Variants in MARCHF7 observed in about 807,000 individuals in gnomAD.
The protein encoded by MARCHF7 is E3 ubiquitin-protein ligase MARCHF7.
In MARCHF7, 20 loss-of-function variants were observed where a neutral mutation model predicts 76.5. The observed-to-expected ratio is 0.26, with a 90% CI of 0.18 to 0.38. The LOEUF is 0.38. MARCHF7 is among the 10% of genes least tolerant of loss of function. MARCHF7 has a pLI of 1.00. For synonymous variants in MARCHF7, 295 were observed against 293.0 expected, an observed-to-expected ratio of 1.01 and a Z score of -0.07; for missense variants, 797 against 812.9, an observed-to-expected ratio of 0.98 and a Z score of 0.24.
intron 4 of MARCHF7, chr2:159,732,978 A>G (rs1382053180): frequency 1.0e-6 from 1 of 958,530 alleles, no homozygotes; most frequent in Non-Finnish European, 1.2e-6. Flanking sequence ...AATACATGTG[A>G]AGCACTTGGA....
chr2:159,716,696 T>G (rs1701080731), intron 3 of MARCHF7, among the ~76,000 whole-genome samples: 1 of 152,186 alleles, frequency 6.6e-6, no homozygotes, highest in African/African-American at 2.4e-5. Context: ...CTCTGGCCTT[T>G]GTGCCATGAG....
At chr2:159,714,161 T>C (rs537423634) in intron 1 of MARCHF7, among the ~76,000 whole-genome samples, 1 of 152,350 alleles carries the variant, frequency 6.6e-6, no homozygotes, top group East Asian at 1.9e-4. Flanking sequence ...ACAACTCTTT[T>C]ATCTGCTCTA....
At chr2:159,748,951 G>T (rs765991226) in intron 7 of MARCHF7, 48 bp downstream of exon 7, 2 of 835,030 alleles carry the variant, frequency 2.4e-6, no homozygotes, top group East Asian at 2.9e-5. Flanking sequence ...AATAGAGAAA[G>T]AACTCTTCAT....
intron 2 of MARCHF7, among the ~76,000 whole-genome samples, chr2:159,715,037 C>T (rs1700877143): frequency 6.6e-6 from 1 of 152,184 alleles, no homozygotes; most frequent in South Asian, 2.1e-4. Context: ...TCTGTTACCA[C>T]AGATAATTAA....
At chr2:159,730,125 ACT>A (rs1315677048) in intron 4 of MARCHF7, among the ~76,000 whole-genome samples, 5 of 152,038 alleles carry the variant, frequency 3.3e-5, no homozygotes, top group African/African-American at 7.2e-5. Context: ...CTGGTCTCAA[ACT>A]CTGGCTCAAA....
At chr2:159,767,252 TC>T (rs1268294780) in intron 11 of MARCHF7, 31 bp from the exon 12 acceptor site, 1 of 1,545,354 alleles carries the variant, frequency 6.5e-7, no homozygotes, top group Non-Finnish European at 8.9e-7. Context: ...CCCCTTAAAA[TC>T]ATTCTTGATC....
At chr2:159,752,339 A>G (rs1705756612) in intron 7 of MARCHF7, 63 bp from the exon 8 acceptor site, 6 of 1,419,486 alleles carry the variant, frequency 4.2e-6, no homozygotes, top group Non-Finnish European at 5.6e-6. Flanking sequence ...GTGATTATGT[A>G]TGACTGAAGT....
chr2:159,732,664 C>A (rs1177453135), intron 4 of MARCHF7, among the ~76,000 whole-genome samples: 1 of 152,096 alleles, frequency 6.6e-6, no homozygotes, highest in Non-Finnish European at 1.5e-5. Context: ...AGATGCGCAG[C>A]CCCCTGCCAC....
chr2:159,713,411 GTAA>G (rs1700528027), intron 1 of MARCHF7, among the ~76,000 whole-genome samples: 1 of 152,152 alleles, frequency 6.6e-6, no homozygotes, highest in African/African-American at 2.4e-5. Context: ...GTCTATCTGG[GTAA>G]TAAATTCGTC....
In MARCHF7 at chr2:159,748,863, C is replaced by T; in HGVS notation, c.1573C>T (p.Pro525Ser). The change falls in exon 7 of 12, where the codon CCT becomes TCT. Residue 525 changes from proline to serine, a missense_variant. Pro to Ser is a moderately conservative substitution (Grantham distance 74). Transcript: ENST00000409175. ...TAAAAGTGATAAAACTAAAAGTGCG[C>T]CTTCAAGAGATCCAGAAAGATTGCA... ...DGKSDKTKSA[P>S]SRDPERLQKI... 6.2e-7 allele frequency: 1 copy of T among 1,612,228 alleles called. No homozygotes were observed. Among genetic ancestry groups the T allele is most frequent in the South Asian group, 1.1e-5 (1 of 90,800 alleles).
intron 4 of MARCHF7, among the ~76,000 whole-genome samples, chr2:159,731,827 G>A (rs535598945): frequency 8.2e-5 from 12 of 146,392 alleles, no homozygotes; most frequent in East Asian, 4.2e-4. Context: ...AATTTCAGCC[G>A]GGCACAGTGG....
intron 7 of MARCHF7, 98 bp downstream of exon 7, chr2:159,749,001 C>T (rs1187780424): frequency 7.7e-6 from 9 of 1,169,476 alleles, no homozygotes; most frequent in African/African-American, 2.2e-5. Context: ...TTTTTTGAGA[C>T]GGAGTCTCAG....
At chr2:159,726,064 C>T (rs958424775) in intron 3 of MARCHF7, among the ~76,000 whole-genome samples, 69 of 152,004 alleles carry the variant, frequency 4.5e-4, no homozygotes, top group Admixed American at 3.6e-3. Context: ...TAAACTCCTG[C>T]GGAGATTATT....
intron 4 of MARCHF7, among the ~76,000 whole-genome samples, chr2:159,734,676 A>G (rs1222547915): frequency 2.0e-5 from 3 of 152,130 alleles, no homozygotes; most frequent in African/African-American, 4.8e-5. Context: ...TGAGTATTGC[A>G]TATAAGAAAA....
Position 159,767,588 on chromosome 2 carries a change from CT to C in MARCHF7, c.*250del, listed in dbSNP as rs767797976. ...AAACTGGTAATCAAAAAGGTTTTTTCTTTTAGGTGAGTGGGAAAGTATTACC... is the reference window on the plus strand; with the variant it reads ...AAACTGGTAATCAAAAAGGTTTTTTCTTTAGGTGAGTGGGAAAGTATTACC... On this transcript the variant is annotated 3_prime_UTR_variant, in exon 12 of 12. Coordinates refer to ENST00000409175, the MANE Select transcript of MARCHF7 (RefSeq NM_001282805.2). 27 of 331,992 alleles carry C rather than the reference CT, an allele frequency of 8.1e-5. No homozygotes were observed. Among genetic ancestry groups the C allele is most frequent in the Non-Finnish European group, 1.3e-4 (24 of 182,668 alleles). The allele number at this position is 331,992 out of a possible 1,614,324, so 20.6% of individuals were successfully genotyped here. A position where few individuals can be genotyped will look rare whatever the true frequency, so the allele number is the denominator to read the frequency against.
In MARCHF7 at chr2:159,753,261, C is replaced by T. The variant is rs541841981; in HGVS notation, c.1783+690C>T. Among the ~76,000 whole-genome samples the T allele has an allele frequency of 5.3e-5, 8 of 152,022 alleles. No individual in the cohort carries two copies. In the East Asian group the frequency reaches 1.2e-3, roughly 22 times the overall value. ...TGGCTGGTGTATAATTAGTCTTAGT[C>T]GGGGAGGGGAGATAAAGTTGTGATG... On this transcript the variant is annotated intron_variant, in intron 8 of 11. Transcript: ENST00000409175.
chr2:159,766,077 G>A (rs907186934), intron 11 of MARCHF7, among the ~76,000 whole-genome samples: 2 of 152,216 alleles, frequency 1.3e-5, no homozygotes, highest in African/African-American at 4.8e-5. Context: ...GAAAAAGATG[G>A]AGGTGAAATA....
rs548481081 is a variant in MARCHF7, at chr2:159,741,007, A to T, written c.154-2054A>T. Among the ~76,000 whole-genome samples the T allele has an allele frequency of 1.2e-4, 19 of 152,326 alleles. No individual in the cohort carries two copies. The South Asian group carries it at 2.9e-3, about 23-fold the overall frequency. On this transcript the variant is annotated intron_variant, in intron 4 of 11. Coordinates refer to ENST00000409175, the MANE Select transcript of MARCHF7 (RefSeq NM_001282805.2). ...AGCTTGGGCAACATAGTGGGACCCC[A>T]TCTCTATAAAAAATAAATTTAAAAA... is the stretch of plus-strand genomic sequence containing the variant.
At chr2:159,733,389 C>T in intron 4 of MARCHF7, 4 of 469,740 alleles carry the variant, frequency 8.5e-6, no homozygotes, top group Non-Finnish European at 8.4e-6. Context: ...CAGGTGTGCA[C>T]ACCACACTGC....
Sources: allele counts gnomAD v4.1 joint callset (sites outside exome capture counted in the v4.1 genomes callset), GRCh38; gene constraint gnomAD v4.1.1; transcripts MANE v1.5; gene names NCBI Gene and HGNC (gene_info 2026-07-23, HGNC 2026-07-21).